Variants in PTH2R observed in about 807,000 individuals in gnomAD.
The protein encoded by PTH2R is PTH2 receptor.
A neutral mutation model predicts 60.3 loss-of-function variants in PTH2R; 59 were observed. That is an observed-to-expected ratio of 0.98 (90% CI 0.79 to 1.22). The LOEUF is 1.22. Ranked by LOEUF, PTH2R falls within the 50% of genes most tolerant of loss-of-function variation. PTH2R has a pLI of 0.00. For missense variants in PTH2R, 749 were observed against 682.6 expected (o/e 1.10, Z -1.08); for synonymous variants, 256 against 243.8 (o/e 1.05, Z -0.47).
intron 4 of PTH2R, among the ~76,000 whole-genome samples, chr2:208,439,331 T>A (rs1418178199): frequency 6.6e-6 from 1 of 152,076 alleles, no homozygotes; most frequent in Non-Finnish European, 1.5e-5. Flanking sequence ...TAATTTAATC[T>A]CCTTAATTAA....
At chr2:208,473,333 T>C (rs1269121244) in intron 9 of PTH2R, among the ~76,000 whole-genome samples, 1 of 152,238 alleles carries the variant, frequency 6.6e-6, no homozygotes, top group African/African-American at 2.4e-5. Flanking sequence ...TGTTTAATGG[T>C]ATGAAATATG....
At chr2:208,407,393 A>T (rs940257883) in intron 1 of PTH2R, among the ~76,000 whole-genome samples, 9 of 152,192 alleles carry the variant, frequency 5.9e-5, no homozygotes, top group South Asian at 2.1e-4. Flanking sequence ...CGAACAGCGG[A>T]GTCGTGGATC....
intron 1 of PTH2R, chr2:208,361,057 A>G: frequency 4.8e-6 from 1 of 206,264 alleles, no homozygotes; most frequent in Admixed American, 4.5e-5. Flanking sequence ...GATGGCGATG[A>G]CACACAGCTG....
chr2:208,360,915 A>G (rs1222090842), intron 1 of PTH2R: 1 of 214,346 alleles, frequency 4.7e-6, no homozygotes, highest in Admixed American at 4.2e-5. Flanking sequence ...CGAGGATCCC[A>G]TGCTTGACGT....
rs765017643 is a variant in PTH2R at position 208,437,761 on chromosome 2, A to G, written c.291A>G (p.Gly97=). The change falls in exon 4 of 13, where the codon GGA becomes GGG. Residue 97 remains glycine (G), a splice_region_variant and synonymous_variant. Coordinates refer to ENST00000272847, the MANE Select transcript of PTH2R (RefSeq NM_005048.4). ...PPYIYDFNHK[G]VAFRHCNPNG... is the part of the protein sequence containing the mutation. ...TCAGCATCTTTCATGTCTTTACAGGAGTTGCTTTCCGACACTGTAACCCCA... is the reference window on the plus strand; with the variant it reads ...TCAGCATCTTTCATGTCTTTACAGGGGTTGCTTTCCGACACTGTAACCCCA... The G allele has an allele frequency of 6.2e-7, 1 of 1,612,130 alleles. No homozygotes were observed. The highest frequency in any genetic ancestry group is 8.5e-7 in the Non-Finnish European group (1 of 1,178,304).
At chr2:208,431,794 A>G (rs1701977006) in intron 2 of PTH2R, among the ~76,000 whole-genome samples, 1 of 152,184 alleles carries the variant, frequency 6.6e-6, no homozygotes, top group African/African-American at 2.4e-5. Flanking sequence ...TTACCTGAAC[A>G]CCACCAAAAC....
chr2:208,395,172 G>C (rs552797346), intron 1 of PTH2R, among the ~76,000 whole-genome samples: 6 of 151,550 alleles, frequency 4.0e-5, no homozygotes, highest in Non-Finnish European at 5.9e-5. Flanking sequence ...CTCAGCCTCC[G>C]CAGTAGCTGG....
chr2:208,492,945 T>C (rs1194449331), intron 12 of PTH2R, among the ~76,000 whole-genome samples: 1 of 152,174 alleles, frequency 6.6e-6, no homozygotes, highest in East Asian at 1.9e-4. Context: ...TGAGTTTCTC[T>C]TCCAACCCAG....
At chr2:208,400,256 A>G (rs1701283566) in intron 1 of PTH2R, among the ~76,000 whole-genome samples, 1 of 152,226 alleles carries the variant, frequency 6.6e-6, no homozygotes, top group Admixed American at 6.5e-5. Flanking sequence ...AGTAATGTCT[A>G]AATTCTTCAA....
intron 1 of PTH2R, among the ~76,000 whole-genome samples, chr2:208,425,916 C>T (rs1016998488): frequency 6.6e-6 from 1 of 152,162 alleles, no homozygotes; most frequent in Non-Finnish European, 1.5e-5. Flanking sequence ...GCCTGCTCTG[C>T]TATCTTCTCT....
chr2:208,464,329 A>G lies in PTH2R; in HGVS notation c.981+4368A>G, dbSNP rs114075243. 3.4e-3 allele frequency among the ~76,000 whole-genome samples: 518 copies of G among 152,346 alleles called. 3 individuals are homozygous for G. The highest frequency in any genetic ancestry group is 0.012 in the African/African-American group (499 of 41,588). ...ATTAAAAAGAAACGTCTTCCTAAGT[A>G]CATTCTATGATCTTCCCCGTGACTT... On this transcript the variant is annotated intron_variant, in intron 9 of 12. Coordinates refer to ENST00000272847, the MANE Select transcript of PTH2R (RefSeq NM_005048.4).
chr2:208,438,392 C>G (rs1702119658), intron 4 of PTH2R, among the ~76,000 whole-genome samples: 1 of 152,096 alleles, frequency 6.6e-6, no homozygotes, highest in African/African-American at 2.4e-5. Context: ...AATCTTCCAG[C>G]ACAATATATT....
intron 9 of PTH2R, among the ~76,000 whole-genome samples, chr2:208,467,504 C>T (rs546237487): frequency 8.7e-4 from 132 of 152,278 alleles, no homozygotes; most frequent in African/African-American, 3.1e-3. Context: ...ATTATATACA[C>T]GTTTTCAAGA....
intron 1 of PTH2R, among the ~76,000 whole-genome samples, chr2:208,362,712 T>C (rs1700501602): frequency 6.6e-6 from 1 of 152,214 alleles, no homozygotes; most frequent in African/African-American, 2.4e-5. Flanking sequence ...CTGGATGATT[T>C]GGTGGTTCTA....
At chr2:208,450,107 G>T (rs932564642) in intron 7 of PTH2R, among the ~76,000 whole-genome samples, 15 of 152,184 alleles carry the variant, frequency 9.9e-5, no homozygotes, top group African/African-American at 3.6e-4. Context: ...CGGTATAATG[G>T]ATTTGATGTT....
intron 8 of PTH2R, among the ~76,000 whole-genome samples, chr2:208,452,965 T>C (rs1465224641): frequency 1.3e-5 from 2 of 152,192 alleles, no homozygotes; most frequent in Non-Finnish European, 2.9e-5. Context: ...ATTTTTATTA[T>C]ATGTGAAGGA....
At chr2:208,473,697 T>C (rs1702934335) in intron 9 of PTH2R, among the ~76,000 whole-genome samples, 1 of 152,208 alleles carries the variant, frequency 6.6e-6, no homozygotes. Flanking sequence ...CCTTTATTGG[T>C]GCCTAGGAAA....
intron 1 of PTH2R, among the ~76,000 whole-genome samples, chr2:208,391,929 C>T (rs1471998366): frequency 1.3e-5 from 2 of 152,172 alleles, no homozygotes; most frequent in Non-Finnish European, 2.9e-5. Flanking sequence ...ATATAATCCA[C>T]ATACTGCAAG....
chr2:208,376,403 A>G (rs1324466867), intron 1 of PTH2R, among the ~76,000 whole-genome samples: 1 of 152,134 alleles, frequency 6.6e-6, no homozygotes, highest in Non-Finnish European at 1.5e-5. Context: ...GTGTGTTTTT[A>G]TATATAAATA....
Sources: gnomAD v4.1 joint callset for allele counts (sites outside exome capture counted in the v4.1 genomes callset) on GRCh38, gnomAD v4.1.1 for gene constraint, MANE v1.5 for transcripts, NCBI Gene and HGNC (gene_info 2026-07-23, HGNC 2026-07-21) for gene names.